The following SLIT2 variants were observed in gnomAD, a reference collection of about 807,000 sequenced individuals.
SLIT2 encodes the protein slit guidance ligand 2, also known as slit homolog 2 protein.
In SLIT2, 41 loss-of-function variants were observed where a neutral mutation model predicts 185.7. The ratio of observed to expected loss-of-function variants is 0.22; its 90% CI spans 0.17 to 0.29. The LOEUF is 0.29. Ranked by LOEUF, SLIT2 falls within the 10% of genes least tolerant of loss-of-function variation. The probability of loss-of-function intolerance (pLI) is 1.00; values close to 1 mark genes in which losing one functional copy is unlikely to be tolerated. For synonymous variants in SLIT2, 693 were observed against 680.2 expected (o/e 1.02, Z -0.29); for missense variants, 1,571 against 1,909.0 (o/e 0.82, Z 3.30).
At chr4:20,601,405 A>G (rs187270344) in intron 33 of SLIT2, among the ~76,000 whole-genome samples, 2 of 152,356 alleles carry the variant, frequency 1.3e-5, no homozygotes, top group Admixed American at 6.5e-5. Context: ...TAGGTAAACC[A>G]TAAACAATGA....
chr4:20,606,732 AT>A lies in SLIT2; in HGVS notation c.3693-3280del, dbSNP rs1267740932. Among the ~76,000 whole-genome samples, 16 of 152,334 alleles carry A rather than the reference AT, an allele frequency of 1.1e-4. No homozygotes were observed. In the East Asian group the frequency reaches 3.1e-3, roughly 29 times the overall value. On this transcript the variant is annotated intron_variant, in intron 33 of 36. Transcript: ENST00000504154. ...ATCCAAACTCAGTTTTTAAATCCAT[AT>A]AATTTATATGCATTCTTCAAACTCT...
chr4:20,575,290 A>C (rs1725993105), intron 29 of SLIT2, among the ~76,000 whole-genome samples: 1 of 152,216 alleles, frequency 6.6e-6, no homozygotes, highest in African/African-American at 2.4e-5. Flanking sequence ...TGCTTTTAAA[A>C]GCAGTCAAAT....
At chr4:20,556,768 C>T (rs1724292015) in intron 26 of SLIT2, among the ~76,000 whole-genome samples, 1 of 151,994 alleles carries the variant, frequency 6.6e-6, no homozygotes, top group Non-Finnish European at 1.5e-5. Context: ...CAAGGAAGGC[C>T]ACGTTGAAAG....
chr4:20,569,363 A>G lies in SLIT2; in HGVS notation c.3088+359A>G, dbSNP rs142051631. On this transcript the variant is annotated intron_variant, in intron 29 of 36. Coordinates refer to ENST00000504154, the MANE Select transcript of SLIT2 (RefSeq NM_004787.4). ...TGTGTAAAGAGGACATTTATTTAATAGCCAAAACATAATTAAGCTTTTGAG... is the reference window on the plus strand; with the variant it reads ...TGTGTAAAGAGGACATTTATTTAATGGCCAAAACATAATTAAGCTTTTGAG... 3.7e-3 allele frequency: 861 copies of G among 231,562 alleles called. 4 individuals are homozygous for G. Among genetic ancestry groups the G allele is most frequent in the African/African-American group, 0.018 (770 of 42,904 alleles). 14.3% of individuals were successfully genotyped at this position (231,562 alleles called of 1,614,324 possible). A position where few individuals can be genotyped will look rare whatever the true frequency, so the allele number is the denominator to read the frequency against.
chr4:20,380,719 A>G (rs2109341020), intron 4 of SLIT2, among the ~76,000 whole-genome samples: 1 of 152,286 alleles, frequency 6.6e-6, no homozygotes, highest in East Asian at 1.9e-4. Context: ...AAATAAAAAA[A>G]TGAAGCAGAA....
At chr4:20,489,701 T>C (rs1208726259) in intron 8 of SLIT2, among the ~76,000 whole-genome samples, 3 of 150,784 alleles carry the variant, frequency 2.0e-5, no homozygotes, top group Admixed American at 6.6e-5. Context: ...GGAGAATCAC[T>C]TGAATCTGGG....
Position 20,268,796 on chromosome 4 carries a change from T to C in SLIT2, c.324-14T>C, listed in dbSNP as rs763521466. The C allele has an allele frequency of 1.4e-5, 23 of 1,594,522 alleles. No homozygotes were observed. Among genetic ancestry groups the C allele is most frequent in the Admixed American group, 5.0e-5 (3 of 59,812 alleles). Reference sequence around the variant, plus strand: ...TTCTATGTAACATAAGCTTTGTTTTTGTTTTCTCAAAAGGCGTTTAAACAG... The same window carrying C: ...TTCTATGTAACATAAGCTTTGTTTTCGTTTTCTCAAAAGGCGTTTAAACAG... On this transcript the variant is annotated splice_polypyrimidine_tract_variant and intron_variant, in intron 3 of 36. Transcript: ENST00000504154.
intron 4 of SLIT2, among the ~76,000 whole-genome samples, chr4:20,349,132 C>G (rs1721666456): frequency 6.6e-6 from 1 of 152,110 alleles, no homozygotes; most frequent in Admixed American, 6.6e-5. Context: ...TCGGTGTGGA[C>G]AAGAGGTTTC....
At chr4:20,417,127 A>T (rs377367825) in intron 4 of SLIT2, among the ~76,000 whole-genome samples, 23 of 152,242 alleles carry the variant, frequency 1.5e-4, no homozygotes, top group African/African-American at 4.8e-4. Context: ...TGTCTCTAGA[A>T]TTAGGAGATC....
intron 4 of SLIT2, among the ~76,000 whole-genome samples, chr4:20,336,321 C>T (rs1205237689): frequency 2.0e-5 from 3 of 152,122 alleles, no homozygotes. Flanking sequence ...GAAAATGTGG[C>T]ACATATACAC....
In SLIT2 at chr4:20,488,965, G is replaced by A. The variant is rs201779462; in HGVS notation, c.758G>A (p.Arg253Gln). The change falls in exon 8 of 37, where the codon CGA becomes CAA. Residue 253 changes from arginine to glutamine, a missense_variant. Coordinates refer to ENST00000504154, the MANE Select transcript of SLIT2 (RefSeq NM_004787.4). ...CATAATGTAGCCGAGGTTCAAAAAC[G>A]AGAATTTGTCTGCAGTGGTAAGGGA... The part of the protein sequence containing the change: ...RGHNVAEVQK[R>Q]EFVCSGHQSF... 14 of 1,611,574 alleles carry A rather than the reference G, an allele frequency of 8.7e-6. No individual in the cohort carries two copies. Among genetic ancestry groups the A allele is most frequent in the African/African-American group, 1.3e-5 (1 of 75,012 alleles).
At chr4:20,315,235 C>T (rs543460625) in intron 4 of SLIT2, among the ~76,000 whole-genome samples, 23 of 152,106 alleles carry the variant, frequency 1.5e-4, no homozygotes, top group African/African-American at 5.3e-4. Context: ...AAGTTTTGCC[C>T]AGAAGGCATA....
intron 4 of SLIT2, among the ~76,000 whole-genome samples, chr4:20,291,957 G>C: frequency 6.6e-6 from 1 of 151,638 alleles, no homozygotes. Context: ...TGTGCATCCT[G>C]TGTGTATCAG....
intron 12 of SLIT2, among the ~76,000 whole-genome samples, chr4:20,521,746 G>A (rs1210568238): frequency 6.6e-6 from 1 of 152,080 alleles, no homozygotes; most frequent in Non-Finnish European, 1.5e-5. Flanking sequence ...AAAGAGCACA[G>A]CCAATTGAGT....
chr4:20,588,669 A>C (rs545272942), intron 29 of SLIT2, among the ~76,000 whole-genome samples: 1 of 152,344 alleles, frequency 6.6e-6, no homozygotes, highest in South Asian at 2.1e-4. Flanking sequence ...ACTTTATGCC[A>C]CAATTGGGAA....
intron 26 of SLIT2, among the ~76,000 whole-genome samples, chr4:20,557,340 T>C (rs955437224): frequency 3.3e-5 from 5 of 152,026 alleles, no homozygotes; most frequent in African/African-American, 9.7e-5. Context: ...GACTGTCTTG[T>C]TAGGGGCTAA....
intron 4 of SLIT2, among the ~76,000 whole-genome samples, chr4:20,463,726 A>T (rs1404298976): frequency 1.1e-4 from 16 of 150,906 alleles, no homozygotes; most frequent in African/African-American, 3.4e-4. Flanking sequence ...TACAAAAAAA[A>T]TTAGCCGGGC....
chr4:20,598,201 C>T (rs1728132523), intron 32 of SLIT2, 64 bp from the exon 33 acceptor site: 2 of 1,547,230 alleles, frequency 1.3e-6, no homozygotes, highest in Non-Finnish European at 1.8e-6. Context: ...TTAGCAGTCT[C>T]TTTCTGATCA....
rs189045973 is a variant in SLIT2, at chr4:20,313,068, C to T, written c.395+44187C>T. Among the ~76,000 whole-genome samples, 235 of 152,186 alleles carry T rather than the reference C, an allele frequency of 1.5e-3. 1 individual carries two copies. Among genetic ancestry groups the T allele is most frequent in the Non-Finnish European group, 2.5e-3 (173 of 68,012 alleles). On this transcript the variant is annotated intron_variant, in intron 4 of 36. Transcript: ENST00000504154. Reference sequence around the variant, plus strand: ...TGTAAACCGTATTAATTTGGTAGATCGCATTCTACTGTAGTCTTGTCACAT... The same window carrying T: ...TGTAAACCGTATTAATTTGGTAGATTGCATTCTACTGTAGTCTTGTCACAT...
Sources: allele counts gnomAD v4.1 joint callset (sites outside exome capture counted in the v4.1 genomes callset), GRCh38; gene constraint gnomAD v4.1.1; transcripts MANE v1.5; gene names NCBI Gene and HGNC (gene_info 2026-07-23, HGNC 2026-07-21).